The following ROBO2 variants were observed in gnomAD, a reference collection of about 807,000 sequenced individuals.
ROBO2 encodes the protein roundabout guidance receptor 2, also known as roundabout homolog 2.
ROBO2 carries 53 observed loss-of-function variants against 160.8 expected under a neutral mutation model. The observed-to-expected ratio is 0.33, with a 90% CI of 0.26 to 0.41. ROBO2 has a LOEUF of 0.41. Among genes scored for constraint, ROBO2 ranks in the 10% least tolerant of loss-of-function variants. ROBO2 has a pLI of 1.00. For missense variants in ROBO2, 1,577 were observed against 1,722.4 expected (o/e 0.92, Z 1.49); for synonymous variants, 664 against 611.7 (o/e 1.09, Z -1.26).
chr3:77,617,035 G>A (rs999284311), intron 21 of ROBO2, among the ~76,000 whole-genome samples: 11 of 152,120 alleles, frequency 7.2e-5, no homozygotes, highest in African/African-American at 2.7e-4. Flanking sequence ...TAGTCTTAAT[G>A]ACATATGGAA....
chr3:77,616,251 G>T (rs2094773096), intron 21 of ROBO2, among the ~76,000 whole-genome samples: 1 of 152,146 alleles, frequency 6.6e-6, no homozygotes, highest in African/African-American at 2.4e-5. Context: ...GTCATAAACA[G>T]ATGCAGACTT....
chr3:76,271,184 A>G (rs1707410711), intron 2 of ROBO2, among the ~76,000 whole-genome samples: 1 of 152,068 alleles, frequency 6.6e-6, no homozygotes, highest in Admixed American at 6.6e-5. Context: ...AAAAGTAGGG[A>G]AAAACAAAAA....
intron 2 of ROBO2, among the ~76,000 whole-genome samples, chr3:75,946,174 T>C (rs1427773904): frequency 6.6e-6 from 1 of 152,004 alleles, no homozygotes; most frequent in African/African-American, 2.4e-5. Context: ...TATCATAATA[T>C]CATGAAAAGA....
chr3:77,485,533 C>T (rs980639230), intron 4 of ROBO2, among the ~76,000 whole-genome samples: 18 of 151,984 alleles, frequency 1.2e-4, no homozygotes, highest in Non-Finnish European at 1.9e-4. Context: ...CTTCTCTTTT[C>T]TGTGCTGTAA....
chr3:77,365,440 G>A (rs56854101), intron 2 of ROBO2, among the ~76,000 whole-genome samples: 15,696 of 151,994 alleles, frequency 0.1, 1,591 homozygotes, highest in East Asian at 0.24. Flanking sequence ...TCTTGTTGCT[G>A]CAGTTAGTTC....
intron 2 of ROBO2, among the ~76,000 whole-genome samples, chr3:76,142,213 A>G (rs1021025538): frequency 6.6e-6 from 1 of 152,162 alleles, no homozygotes; most frequent in African/African-American, 2.4e-5. Flanking sequence ...GGGTACACTT[A>G]TGCAATAAAT....
At chr3:77,495,058 T>G (rs1560994475) in intron 5 of ROBO2, among the ~76,000 whole-genome samples, 1 of 152,078 alleles carries the variant, frequency 6.6e-6, no homozygotes, top group African/African-American at 2.4e-5. Context: ...ACAAGGAGAG[T>G]TTACACTATT....
intron 2 of ROBO2, among the ~76,000 whole-genome samples, chr3:77,295,078 A>T (rs1459128525): frequency 1.3e-5 from 2 of 151,420 alleles, no homozygotes; most frequent in East Asian, 3.9e-4. Flanking sequence ...CTAGAGCACT[A>T]AAGACATAAA....
At chr3:76,949,434 C>T (rs1047052841) in intron 2 of ROBO2, among the ~76,000 whole-genome samples, 2 of 152,220 alleles carry the variant, frequency 1.3e-5, no homozygotes, top group African/African-American at 2.4e-5. Flanking sequence ...GAACTCTAAA[C>T]TCCATAGAGG....
At chr3:77,128,726 A>G (rs1305346443) in intron 2 of ROBO2, among the ~76,000 whole-genome samples, 1 of 152,034 alleles carries the variant, frequency 6.6e-6, no homozygotes, top group African/African-American at 2.4e-5. Flanking sequence ...GATATTTAGG[A>G]TGTTTCTAGT....
Position 76,128,374 on chromosome 3 carries a change from A to G in ROBO2, c.109+190772A>G, listed in dbSNP as rs144364376. Among the ~76,000 whole-genome samples, 633 of 152,294 alleles carry G rather than the reference A, an allele frequency of 4.2e-3. 4 individuals carry two copies. Among genetic ancestry groups the G allele is most frequent in the African/African-American group, 0.014 (580 of 41,582 alleles). On this transcript the variant is annotated intron_variant, in intron 2 of 26. Coordinates refer to the ROBO2 transcript ENST00000487694. Reference sequence around the variant, plus strand: ...GTATGAAGTGAATGATCTTAAACAAAGGATGGCTCAGTTTCTAGTCTTTCG... The same window carrying G: ...GTATGAAGTGAATGATCTTAAACAAGGGATGGCTCAGTTTCTAGTCTTTCG...
intron 2 of ROBO2, among the ~76,000 whole-genome samples, chr3:77,264,088 A>T (rs1408926160): frequency 6.6e-6 from 1 of 152,024 alleles, no homozygotes; most frequent in Non-Finnish European, 1.5e-5. Context: ...TACCAACCTC[A>T]TCTGCCAATT....
chr3:76,680,802 G>A (rs1295392736), intron 2 of ROBO2, among the ~76,000 whole-genome samples: 1 of 151,826 alleles, frequency 6.6e-6, no homozygotes, highest in East Asian at 1.9e-4. Flanking sequence ...TTGAGACAGG[G>A]TCTCACTCTT....
At chr3:76,901,688 TTCA>T (rs1259915838) in intron 2 of ROBO2, among the ~76,000 whole-genome samples, 1 of 151,922 alleles carries the variant, frequency 6.6e-6, no homozygotes, top group African/African-American at 2.4e-5. Flanking sequence ...TGTTAATTAA[TTCA>T]TCTTTTTATT....
chr3:77,491,634 C>T (rs2086123570), intron 4 of ROBO2, among the ~76,000 whole-genome samples: 1 of 152,168 alleles, frequency 6.6e-6, no homozygotes, highest in South Asian at 2.1e-4. Flanking sequence ...ATGTTGTCTA[C>T]AGGGCACAAT....
At chr3:77,179,413 C>T (rs1466783525) in intron 2 of ROBO2, among the ~76,000 whole-genome samples, 1 of 151,088 alleles carries the variant, frequency 6.6e-6, no homozygotes, top group Admixed American at 6.6e-5. Flanking sequence ...TCATATAGCT[C>T]ATGAATGTGC....
chr3:77,358,862 A>C (rs976781317), intron 2 of ROBO2, among the ~76,000 whole-genome samples: 4 of 152,210 alleles, frequency 2.6e-5, no homozygotes, highest in Non-Finnish European at 5.9e-5. Flanking sequence ...AAGTTGTTGA[A>C]TAAATGACCT....
intron 2 of ROBO2, among the ~76,000 whole-genome samples, chr3:76,827,793 A>G (rs1185920118): frequency 6.6e-6 from 1 of 151,950 alleles, no homozygotes; most frequent in Non-Finnish European, 1.5e-5. Flanking sequence ...TACTTAGTGT[A>G]GCAGCTTGGA....
chr3:76,957,030 G>C (rs1002246887), intron 2 of ROBO2, among the ~76,000 whole-genome samples: 2 of 151,974 alleles, frequency 1.3e-5, no homozygotes, highest in African/African-American at 4.8e-5. Context: ...CAAATCTTAC[G>C]TTTAGGCACA....
Sources: allele counts gnomAD v4.1 joint callset (sites outside exome capture counted in the v4.1 genomes callset), GRCh38; gene constraint gnomAD v4.1.1; transcripts MANE v1.5; gene names NCBI Gene and HGNC (gene_info 2026-07-23, HGNC 2026-07-21).